Variants in HSPG2 observed in about 807,000 individuals in gnomAD.
HSPG2 encodes basement membrane-specific heparan sulfate proteoglycan core protein.
In HSPG2, 278 loss-of-function variants were observed where a neutral mutation model predicts 526.6. That is an observed-to-expected ratio of 0.53 (90% CI 0.48 to 0.58). HSPG2 has a LOEUF of 0.58. HSPG2 is among the 20% of genes least tolerant of loss of function. The pLI is 0.00. For missense variants in HSPG2, 5,354 were observed against 6,099.5 expected, an observed-to-expected ratio of 0.88 and a Z score of 4.07; for synonymous variants, 2,465 against 2,555.4, an observed-to-expected ratio of 0.96 and a Z score of 1.07.
intron 78 of HSPG2, 76 bp from the exon 79 acceptor site, chr1:21,833,690 G>A: frequency 1.3e-6 from 2 of 1,596,748 alleles, no homozygotes; most frequent in South Asian, 1.1e-5. Context: ...TGTGCCTCAG[G>A]CCCACCTTCC....
At chr1:21,911,602 G>A (rs1248541613) in intron 1 of HSPG2, among the ~76,000 whole-genome samples, 1 of 152,240 alleles carries the variant, frequency 6.6e-6, no homozygotes, top group South Asian at 2.1e-4. Flanking sequence ...CCTGGGTGGA[G>A]AGGCCGGAGC....
chr1:21,896,842 C>G (rs959320988), intron 1 of HSPG2, among the ~76,000 whole-genome samples: 1 of 152,314 alleles, frequency 6.6e-6, no homozygotes, highest in South Asian at 2.1e-4. Context: ...CTGGCCTGCC[C>G]GTCTCCAGGC....
Position 21,824,220 on chromosome 1 carries a change from C to T in HSPG2, c.12816-16G>A, listed in dbSNP as rs561983449. 4 of 1,613,768 alleles carry T rather than the reference C, an allele frequency of 2.5e-6. No homozygotes were observed. The highest frequency in any genetic ancestry group is 2.2e-5 in the South Asian group (2 of 91,082). The stretch of plus-strand genomic sequence containing the variant: ...CAGCTGGTACCTGCAGTCATCCAGG[C>T]CCAAGAAGTATGAGCTGGGGCAGGA... On this transcript the variant is annotated splice_polypyrimidine_tract_variant and intron_variant, in intron 94 of 96. Coordinates refer to ENST00000374695, the MANE Select transcript of HSPG2 (RefSeq NM_005529.7). This position sits in a 1 kb window ranked among gnomAD's most constrained non-coding sequence, Gnocchi z 5.9.
intron 1 of HSPG2, among the ~76,000 whole-genome samples, chr1:21,929,583 T>G (rs1326498797): frequency 1.3e-5 from 1 of 77,218 alleles, no homozygotes; most frequent in Non-Finnish European, 2.2e-5. Context: ...CACCTGCCGG[T>G]TTTTTTTTTT....
In HSPG2 at chr1:21,863,856, T is replaced by A. The variant is rs983645531; in HGVS notation, c.4740+244A>T. Reference sequence around the variant, plus strand: ...CCCCATCTGTATTAGATAAAAAAAATTTTTTTAAGAAAAAGAAAAAAATAG... The same window carrying A: ...CCCCATCTGTATTAGATAAAAAAAAATTTTTTAAGAAAAAGAAAAAAATAG... On this transcript the variant is annotated intron_variant, in intron 37 of 96. Coordinates refer to ENST00000374695, the MANE Select transcript of HSPG2 (RefSeq NM_005529.7). Among the ~76,000 whole-genome samples, 29 of 152,158 alleles carry A rather than the reference T, an allele frequency of 1.9e-4. 1 individual carries two copies. Among genetic ancestry groups the A allele is most frequent in the African/African-American group, 4.1e-4 (17 of 41,514 alleles).
At position 21,887,258 on chromosome 1, in the gene HSPG2, A is replaced by G. The variant is rs1641969563; in HGVS notation, c.1035T>C (p.Asp345=). Residue 345 remains aspartate (D), a synonymous_variant, in exon 9 of 97, where the codon GAT becomes GAC. Transcript: ENST00000374695. This position sits in a 1 kb window ranked among gnomAD's most constrained non-coding sequence, Gnocchi z 5.0. ...GHCALKLWRC[D]GDFDCEDRTD... is the part of the protein sequence containing the mutation. ...TTCGGTCCTCACAGTCAAAGTCACC[A>G]TCGCAGCGCCACAGCTTGAGGGCAC... The G allele has an allele frequency of 6.2e-7, 1 of 1,613,860 alleles. No homozygotes were observed. The highest frequency in any genetic ancestry group is 8.5e-7 in the Non-Finnish European group (1 of 1,179,926).
Position 21,881,341 on chromosome 1 carries a change from T to G in HSPG2, c.1816A>C (p.Lys606Gln), listed in dbSNP as rs771552551. ...GGGTGGCAGCCCAGGCCCCTCACCTTGTTGCCCAGGAACTGTTCAGGCAGA... is the reference window on the plus strand; with the variant it reads ...GGGTGGCAGCCCAGGCCCCTCACCTGGTTGCCCAGGAACTGTTCAGGCAGA... ...WALPEQFLGN[K>Q]VDSYGGSLRY... is the part of the protein sequence containing the mutation. The change falls in exon 14 of 97, where the codon AAG becomes CAG. Residue 606 changes from lysine (K) to glutamine (Q), a missense_variant and splice_region_variant. By Grantham distance (53) the Lys-to-Gln change is moderately conservative. Transcript: ENST00000374695. 3.1e-6 allele frequency: 5 copies of G among 1,613,532 alleles called. No individual in the cohort carries two copies. In the South Asian group the frequency reaches 5.5e-5, roughly 18 times the overall value.
At position 21,831,487 on chromosome 1, in the gene HSPG2, C is replaced by A; in HGVS notation, c.11428G>T (p.Ala3810Ser). ...GYPDYGAIPK[A>S]GLSSGFIGCV... ...CCTATGAAGCCGCTGCTCAGCCCCG[C>A]CTTGGGGATGGCACCATAGTCAGGA... The change falls in exon 83 of 97, where the codon GCG becomes TCG. Residue 3810 changes from alanine to serine, a missense_variant. Coordinates refer to ENST00000374695, the MANE Select transcript of HSPG2 (RefSeq NM_005529.7). 6.2e-7 allele frequency: 1 copy of A among 1,614,082 alleles called. No individual in the cohort carries two copies. Among genetic ancestry groups the A allele is most frequent in the Non-Finnish European group, 8.5e-7 (1 of 1,179,968 alleles).
intron 76 of HSPG2, 74 bp from the exon 77 acceptor site, chr1:21,835,019 C>A: frequency 6.5e-7 from 1 of 1,550,082 alleles, no homozygotes; most frequent in South Asian, 1.1e-5. Flanking sequence ...CATAGACTGC[C>A]CAAGGAAAGG....
At chr1:21,854,369 G>A (rs370395822) in intron 49 of HSPG2, 26 bp from the exon 50 acceptor site, 169 of 1,558,422 alleles carry the variant, frequency 1.1e-4, no homozygotes, top group Middle Eastern at 2.0e-4. Flanking sequence ...CCAGAGGTAC[G>A]TGAGGACAGG....
rs772595729 is a variant in HSPG2, at chr1:21,860,216, C to G, written c.4975G>C (p.Gly1659Arg). 5 of 1,613,556 alleles carry G rather than the reference C, an allele frequency of 3.1e-6. No homozygotes were observed. In the East Asian group the frequency reaches 8.9e-5, roughly 29 times the overall value. The change falls in exon 40 of 97, where the codon GGT becomes CGT. Residue 1659 changes from glycine (G) to arginine (R), a missense_variant. Transcript: ENST00000374695. The part of the protein sequence containing the change: ...YCEQCGPGYV[G>R]NPSVQGGQCL... ...TGGCCCCCTTGCACACTGGGGTTAC[C>G]CACGTAACCTGGGCCACACCTGTAA... is the stretch of plus-strand genomic sequence containing the variant.
chr1:21,848,117 G>A lies in HSPG2; in HGVS notation c.7738-24C>T, dbSNP rs780381439. 1.9e-6 allele frequency: 3 copies of A among 1,561,700 alleles called. No individual in the cohort carries two copies. The highest frequency in any genetic ancestry group is 1.9e-5 in the Admixed American group (1 of 52,330). On this transcript the variant is annotated intron_variant, in intron 59 of 96. Transcript: ENST00000374695. The surrounding 1 kb of genome is among the most constrained non-coding windows in gnomAD (Gnocchi z 4.9). ...ATCTGCAGGAAGCAGATGGCAGGAG[G>A]TATGGCAGTAGGTGTGGGCAGCTCC... is the stretch of plus-strand genomic sequence containing the variant.
rs543228444 is a variant in HSPG2 at position 21,898,286 on chromosome 1, T to C, written c.64-1976A>G. On this transcript the variant is annotated intron_variant, in intron 1 of 96. Coordinates refer to ENST00000374695, the MANE Select transcript of HSPG2 (RefSeq NM_005529.7). This position sits in a 1 kb window ranked among gnomAD's most constrained non-coding sequence, Gnocchi z 4.0. Reference sequence around the variant, plus strand: ...TCTCAGACCTTGGGGAAGGTCTGAGTTGTCCACATCTTATTCCTGCTTTGG... The same window carrying C: ...TCTCAGACCTTGGGGAAGGTCTGAGCTGTCCACATCTTATTCCTGCTTTGG... 6.6e-6 allele frequency among the ~76,000 whole-genome samples: 1 copy of C among 152,198 alleles called. No homozygotes were observed. Among genetic ancestry groups the C allele is most frequent in the African/African-American group, 2.4e-5 (1 of 41,522 alleles).
chr1:21,922,017 G>C (rs1305146590), intron 1 of HSPG2, among the ~76,000 whole-genome samples: 1 of 152,210 alleles, frequency 6.6e-6, no homozygotes, highest in Admixed American at 6.5e-5. Flanking sequence ...TGGGGTTGCA[G>C]GGGGACGACA....
intron 55 of HSPG2, 86 bp from the exon 56 acceptor site, chr1:21,850,584 A>T (rs1638815732): frequency 7.1e-7 from 1 of 1,414,882 alleles, no homozygotes; most frequent in African/African-American, 1.4e-5. Flanking sequence ...CTGACCCCCA[A>T]GGCCTGGCCA....
chr1:21,931,721 G>C (rs745858746), intron 1 of HSPG2, among the ~76,000 whole-genome samples: 9 of 152,144 alleles, frequency 5.9e-5, no homozygotes, highest in Non-Finnish European at 1.0e-4. Context: ...CATTGCTCCA[G>C]ATCTTTCCAT....
intron 52 of HSPG2, 63 bp from the exon 53 acceptor site, chr1:21,852,296 C>T (rs1474488639): frequency 8.8e-6 from 14 of 1,597,260 alleles, no homozygotes; most frequent in Middle Eastern, 1.7e-4. Flanking sequence ...GCAGGGGTTG[C>T]CCACCCTGCA....
At position 21,862,124 on chromosome 1, in the gene HSPG2, C is replaced by T; in HGVS notation, c.4741-9G>A. 3 of 1,611,546 alleles carry T rather than the reference C, an allele frequency of 1.9e-6. 1 individual carries two copies. In the East Asian group the frequency reaches 6.7e-5, roughly 36 times the overall value. On this transcript the variant is annotated splice_polypyrimidine_tract_variant and intron_variant, in intron 37 of 96. Transcript: ENST00000374695. ...GCGTTGTGCTGGCATTGCTGCAGGG[C>T]ACAAGGAGGGCAGGCACCAGCCATT...
In HSPG2 at chr1:21,890,839, A is replaced by T. The variant is rs1367606115; in HGVS notation, c.245-145T>A. ...CACCTGTGTGCCCACTGCTACACCC[A>T]GGACTGCCTGTAGGTATACATGCTC... On this transcript the variant is annotated intron_variant, in intron 3 of 96. Transcript: ENST00000374695. The surrounding 1 kb of genome is among the most constrained non-coding windows in gnomAD (Gnocchi z 4.1). 12 of 704,074 alleles carry T rather than the reference A, an allele frequency of 1.7e-5. No homozygotes were observed. Among genetic ancestry groups the T allele is most frequent in the Non-Finnish European group, 2.8e-5 (11 of 389,582 alleles). The allele number at this position is 704,074 out of a possible 1,614,324, so 43.6% of individuals were successfully genotyped here. A position where few individuals can be genotyped will look rare whatever the true frequency, so the allele number is the denominator to read the frequency against.
Sources: allele counts gnomAD v4.1 joint callset (sites outside exome capture counted in the v4.1 genomes callset), GRCh38; gene constraint gnomAD v4.1.1; non-coding constraint Gnocchi (gnomAD v3.1); transcripts MANE v1.5; gene names NCBI Gene and HGNC (gene_info 2026-07-23, HGNC 2026-07-21).